NOSTRIN: variants seen among roughly 807,000 people sequenced by gnomAD.
NOSTRIN encodes the protein BM247 homolog.
NOSTRIN carries 63 observed loss-of-function variants against 59.0 expected under a neutral mutation model. That is an observed-to-expected ratio of 1.07 (90% CI 0.87 to 1.32). The LOEUF is 1.32. Among genes scored for constraint, NOSTRIN ranks in the 40% most tolerant of loss-of-function variants. NOSTRIN has a pLI of 0.00. For synonymous variants in NOSTRIN, 200 were observed against 165.4 expected, an observed-to-expected ratio of 1.21 and a Z score of -1.61; for missense variants, 512 against 473.1, an observed-to-expected ratio of 1.08 and a Z score of -0.76.
At chr2:168,838,789 C>CTTTT (rs71003059) in intron 7 of NOSTRIN, among the ~76,000 whole-genome samples, 14 of 136,296 alleles carry the variant, frequency 1.0e-4, no homozygotes, top group African/African-American at 3.6e-4. Context: ...AAAAAAAACT[C>CTTTT]TTTTTTTTTT....
upstream of NOSTRIN, among the ~76,000 whole-genome samples, chr2:168,802,066 G>A (rs1685630640): frequency 6.6e-6 from 1 of 152,110 alleles, no homozygotes; most frequent in African/African-American, 2.4e-5. Context: ...GGGAATATGG[G>A]CTTGGTATTT....
rs149863316 is a variant in NOSTRIN, at chr2:168,849,203, C to T, written c.631-1881C>T. On this transcript the variant is annotated intron_variant, in intron 8 of 15. Transcript: ENST00000317647. Reference sequence around the variant, plus strand: ...TCCCTATGGTCGTGTTACCCACCAACTTCTCCAAAGCCTTGTTCATGAAAG... The same window carrying T: ...TCCCTATGGTCGTGTTACCCACCAATTTCTCCAAAGCCTTGTTCATGAAAG... Among the ~76,000 whole-genome samples, 343 of 152,290 alleles carry T rather than the reference C, an allele frequency of 2.3e-3. 1 individual carries two copies. The highest frequency in any genetic ancestry group is 7.7e-3 in the African/African-American group (321 of 41,554).
intron 15 of NOSTRIN, among the ~76,000 whole-genome samples, chr2:168,864,632 T>G (rs1689738655): frequency 6.6e-6 from 1 of 152,226 alleles, no homozygotes; most frequent in South Asian, 2.1e-4. Flanking sequence ...AGTTGTTCAT[T>G]ATCTTACTCT....
At chr2:168,821,943 C>T (rs183112497) in intron 2 of NOSTRIN, among the ~76,000 whole-genome samples, 41 of 152,320 alleles carry the variant, frequency 2.7e-4, no homozygotes, top group Non-Finnish European at 4.4e-4. Flanking sequence ...GGGCTCTCAA[C>T]ACATTTTAAT....
chr2:168,864,431 G>A (rs771678163), intron 15 of NOSTRIN, among the ~76,000 whole-genome samples: 14 of 151,876 alleles, frequency 9.2e-5, no homozygotes, highest in Non-Finnish European at 1.5e-4. Flanking sequence ...TATTACAGGC[G>A]TGCGCCACCA....
chr2:168,792,942 C>A (rs1351099282), intron 2 of NOSTRIN, among the ~76,000 whole-genome samples: 1 of 152,188 alleles, frequency 6.6e-6, no homozygotes, highest in African/African-American at 2.4e-5. Flanking sequence ...TAAGAAATTT[C>A]TCCCAAAGTT....
In NOSTRIN at chr2:168,864,821, T is replaced by C. The variant is rs1382721821; in HGVS notation, c.1385-13T>C. 1.2e-6 allele frequency: 2 copies of C among 1,613,450 alleles called. No homozygotes were observed. The highest frequency in any genetic ancestry group is 1.1e-5 in the South Asian group (1 of 91,072). On this transcript the variant is annotated splice_polypyrimidine_tract_variant and intron_variant, in intron 15 of 15. Transcript: ENST00000317647. ...CATCACAGAGACCCATTTGTCTAAC[T>C]GTATTTTCACAGGTGACATTGTGAT... is the stretch of plus-strand genomic sequence containing the variant.
intron 8 of NOSTRIN, among the ~76,000 whole-genome samples, chr2:168,850,575 C>T (rs2105752204): frequency 6.6e-6 from 1 of 151,840 alleles, no homozygotes; most frequent in Non-Finnish European, 1.5e-5. Flanking sequence ...TCCTGGGCTT[C>T]ACCCTCTGGA....
At chr2:168,862,271 A>T (rs1402286747) in intron 15 of NOSTRIN, among the ~76,000 whole-genome samples, 1 of 152,218 alleles carries the variant, frequency 6.6e-6, no homozygotes, top group Non-Finnish European at 1.5e-5. Flanking sequence ...CCTATTGTCC[A>T]ATTTAATATT....
intron 5 of NOSTRIN, among the ~76,000 whole-genome samples, chr2:168,828,831 T>A (rs1687200267): frequency 6.6e-6 from 1 of 151,952 alleles, no homozygotes; most frequent in South Asian, 2.1e-4. Context: ...ACATGGGGAT[T>A]TTTTTCACAG....
At position 168,823,085 on chromosome 2, in the gene NOSTRIN, T is replaced by G. The variant is rs140387300; in HGVS notation, c.114-1549T>G. Among the ~76,000 whole-genome samples the G allele has an allele frequency of 9.5e-3, 1,452 of 152,282 alleles. 95 individuals carry two copies. In the East Asian group the frequency reaches 0.17, roughly 18 times the overall value. On this transcript the variant is annotated intron_variant, in intron 2 of 15. Coordinates refer to ENST00000317647, the MANE Select transcript of NOSTRIN (RefSeq NM_001039724.4). ...AGGCTAGCGTGCAGTGGCGCAATCTTGGCTCACTGCAACCTCCACCTCCTG... is the reference window on the plus strand; with the variant it reads ...AGGCTAGCGTGCAGTGGCGCAATCTGGGCTCACTGCAACCTCCACCTCCTG...
At chr2:168,837,806 T>G (rs1687827899) in intron 7 of NOSTRIN, among the ~76,000 whole-genome samples, 1 of 152,248 alleles carries the variant, frequency 6.6e-6, no homozygotes, top group Non-Finnish European at 1.5e-5. Context: ...CTCGGAAGTA[T>G]TAAGCATTGT....
At chr2:168,836,977 GGAT>G (rs1687759414) in intron 7 of NOSTRIN, among the ~76,000 whole-genome samples, 1 of 152,160 alleles carries the variant, frequency 6.6e-6, no homozygotes, top group Non-Finnish European at 1.5e-5. Flanking sequence ...TGGAAGTGTG[GGAT>G]CAGGTGCTAT....
intron 5 of NOSTRIN, among the ~76,000 whole-genome samples, chr2:168,830,819 T>C (rs972819744): frequency 3.3e-5 from 5 of 152,244 alleles, no homozygotes; most frequent in Non-Finnish European, 1.5e-5. Context: ...AGGTTTTTGC[T>C]GCATGGATTG....
intron 8 of NOSTRIN, among the ~76,000 whole-genome samples, chr2:168,850,248 T>G (rs1688680057): frequency 6.6e-6 from 1 of 152,144 alleles, no homozygotes; most frequent in South Asian, 2.1e-4. Context: ...CAAATGTGAT[T>G]CCCCTCACTT....
At chr2:168,790,743 A>G (rs1188169016) in intron 2 of NOSTRIN, among the ~76,000 whole-genome samples, 2 of 152,214 alleles carry the variant, frequency 1.3e-5, no homozygotes, top group Non-Finnish European at 2.9e-5. Context: ...CTTAGGCAGG[A>G]CAATTGGTGG....
intron 2 of NOSTRIN, 24 bp from the exon 3 acceptor site, chr2:168,824,610 A>T (rs141554484): frequency 1.1e-6 from 1 of 870,034 alleles, no homozygotes; most frequent in Admixed American, 1.7e-5. Context: ...AGTACATCCT[A>T]TTTAACTAGT....
chr2:168,864,808 C>G, intron 15 of NOSTRIN, 26 bp from the exon 16 acceptor site: 3 of 1,612,766 alleles, frequency 1.9e-6, no homozygotes, highest in Non-Finnish European at 2.5e-6. Flanking sequence ...TCACAGAGAC[C>G]CATTTGTCTA....
intron 1 of NOSTRIN, among the ~76,000 whole-genome samples, chr2:168,802,896 A>G (rs1478204621): frequency 6.6e-6 from 1 of 152,178 alleles, no homozygotes; most frequent in Non-Finnish European, 1.5e-5. Flanking sequence ...TCCTTCTCAT[A>G]TTCTTGGAAA....
Sources: gnomAD v4.1 joint callset for allele counts (sites outside exome capture counted in the v4.1 genomes callset) on GRCh38, gnomAD v4.1.1 for gene constraint, MANE v1.5 for transcripts, NCBI Gene and HGNC (gene_info 2026-07-23, HGNC 2026-07-21) for gene names.